PRKCH: variants seen among roughly 807,000 people sequenced by gnomAD.
PRKCH encodes protein kinase C eta.
A neutral mutation model predicts 82.5 loss-of-function variants in PRKCH; 28 were observed. The ratio of observed to expected loss-of-function variants is 0.34; its 90% CI spans 0.25 to 0.47. PRKCH has a LOEUF of 0.47. PRKCH is among the 20% of genes least tolerant of loss of function. PRKCH has a pLI of 1.00. For missense variants in PRKCH, 705 were observed against 881.8 expected (o/e 0.80, Z 2.54); for synonymous variants, 322 against 327.4 (o/e 0.98, Z 0.18).
At chr14:61,229,798 A>AG (rs2044726581) in intron 1 of PRKCH, among the ~76,000 whole-genome samples, 1 of 152,090 alleles carries the variant, frequency 6.6e-6, no homozygotes, top group Admixed American at 6.5e-5. Context: ...TCCTTCTTCC[A>AG]GGGGGAGAAC....
intron 1 of PRKCH, among the ~76,000 whole-genome samples, chr14:61,242,085 T>C (rs537640349): frequency 3.3e-5 from 5 of 152,318 alleles, no homozygotes; most frequent in Non-Finnish European, 5.9e-5. Context: ...CAACAAAAGT[T>C]AAACAAATAG....
intron 1 of PRKCH, among the ~76,000 whole-genome samples, chr14:61,363,927 T>G (rs1311223398): frequency 1.3e-5 from 2 of 149,556 alleles, no homozygotes; most frequent in Admixed American, 1.3e-4. Context: ...TACATATATA[T>G]GTAAAAATAT....
intron 1 of PRKCH, among the ~76,000 whole-genome samples, chr14:61,351,501 T>G (rs2046073300): frequency 6.6e-6 from 1 of 152,210 alleles, no homozygotes; most frequent in South Asian, 2.1e-4. Flanking sequence ...TTCTGAATTT[T>G]AAGATTTGGA....
chr14:61,190,755 G>A (rs2044401634), intron 1 of PRKCH, among the ~76,000 whole-genome samples: 2 of 151,990 alleles, frequency 1.3e-5, no homozygotes, highest in African/African-American at 4.8e-5. Context: ...CACTGTTCCT[G>A]GCCTGAAACT....
chr14:61,266,716 A>C (rs1212553318), intron 1 of PRKCH, among the ~76,000 whole-genome samples: 1 of 152,224 alleles, frequency 6.6e-6, no homozygotes, highest in Non-Finnish European at 1.5e-5. Flanking sequence ...AAATGGCTTT[A>C]TATGCCTGGT....
rs554407715 is a variant in PRKCH at position 61,228,080 on chromosome 14, ATT to A, written c.-19+40415_-19+40416del. On this transcript the variant is annotated intron_variant, in intron 1 of 3. Transcript: ENST00000555185. ...GTCCCAAAGGAAGGAGGACTCTTGC[ATT>A]TTCTGAGTCATGGGTCAAATGTTGT... Among the ~76,000 whole-genome samples the A allele has an allele frequency of 3.6e-3, 551 of 152,212 alleles. 5 individuals carry two copies. The highest frequency in any genetic ancestry group is 0.013 in the African/African-American group (529 of 41,510).
At chr14:61,278,083 T>C (rs1274207252) in intron 1 of PRKCH, 4 of 152,220 alleles carry the variant, frequency 2.6e-5, no homozygotes, top group Non-Finnish European at 5.9e-5. Context: ...TTAACTTTCA[T>C]AGTCTCATTT....
intron 2 of PRKCH, among the ~76,000 whole-genome samples, chr14:61,406,323 G>GTTAGGGGTCAGGTTACAGTTTTTGCA (rs1881950051): frequency 6.6e-6 from 1 of 152,172 alleles, no homozygotes; most frequent in Non-Finnish European, 1.5e-5. Flanking sequence ...CAGTTTTTGC[G>GTTAGGGGTCAGGTTACAGTTTTTGCA]TTGTTAGGGG....
At chr14:61,427,501 A>G (rs1883169627) in intron 2 of PRKCH, among the ~76,000 whole-genome samples, 1 of 152,210 alleles carries the variant, frequency 6.6e-6, no homozygotes, top group Non-Finnish European at 1.5e-5. Flanking sequence ...ATTTTCCTCC[A>G]CAAAAAGATG....
chr14:61,296,333 G>A (rs144669935), intron 1 of PRKCH, among the ~76,000 whole-genome samples: 6 of 152,060 alleles, frequency 3.9e-5, no homozygotes, highest in Non-Finnish European at 8.8e-5. Flanking sequence ...GCAGCTCCTC[G>A]GGGGATCGGC....
intron 12 of PRKCH, chr14:61,545,008 C>T (rs1384004009): frequency 6.6e-6 from 1 of 152,282 alleles, no homozygotes; most frequent in African/African-American, 2.4e-5. Context: ...TGCTCACCAC[C>T]AGGCGCTACC....
chr14:61,525,717 G>C (rs1313363871), intron 10 of PRKCH: 2 of 152,230 alleles, frequency 1.3e-5, no homozygotes, highest in African/African-American at 2.4e-5. Context: ...GTTAGCACTT[G>C]TTTCTGTTGC....
chr14:61,245,522 C>T (rs1016282151), intron 1 of PRKCH, among the ~76,000 whole-genome samples: 1 of 152,176 alleles, frequency 6.6e-6, no homozygotes, highest in Non-Finnish European at 1.5e-5. Context: ...TAATGGAAAC[C>T]AATGAGAGAC....
At chr14:61,543,364 A>C (rs2043211907) in intron 12 of PRKCH, 1 of 152,278 alleles carries the variant, frequency 6.6e-6, no homozygotes, top group South Asian at 2.1e-4. Context: ...GTTCCACTGT[A>C]ATGAGGGCCA....
At chr14:61,546,795 G>A (rs1326101832) in intron 12 of PRKCH, among the ~76,000 whole-genome samples, 3 of 152,136 alleles carry the variant, frequency 2.0e-5, no homozygotes. Context: ...TTTATCCAAG[G>A]CAATTTTCTT....
In PRKCH at chr14:61,339,433, C is replaced by T. The variant is rs1350496872; in HGVS notation, c.363+16969C>T. Among the ~76,000 whole-genome samples, 3 of 150,000 alleles carry T rather than the reference C, an allele frequency of 2.0e-5. No homozygotes were observed. The South Asian group carries it at 6.4e-4, about 32-fold the overall frequency. On this transcript the variant is annotated intron_variant, in intron 1 of 13. Coordinates refer to ENST00000332981, the MANE Select transcript of PRKCH (RefSeq NM_006255.5). ...TTGCCTCCCGGGTTCACGCCATTCT[C>T]CTGCCTCAGCCTCCCGAGTAGCTGG...
intron 1 of PRKCH, among the ~76,000 whole-genome samples, chr14:61,242,043 A>G (rs2044843974): frequency 6.6e-6 from 1 of 152,362 alleles, no homozygotes; most frequent in East Asian, 1.9e-4. Flanking sequence ...ATCCCATATA[A>G]TATGAATTAG....
chr14:61,504,658 G>A (rs991228636), intron 10 of PRKCH, among the ~76,000 whole-genome samples: 1 of 152,134 alleles, frequency 6.6e-6, no homozygotes, highest in African/African-American at 2.4e-5. Context: ...TTCCTTTGAT[G>A]GAGTATTCTC....
chr14:61,510,441 T>C (rs1481999813), intron 10 of PRKCH, among the ~76,000 whole-genome samples: 1 of 151,338 alleles, frequency 6.6e-6, no homozygotes, highest in Non-Finnish European at 1.5e-5. Flanking sequence ...GGGGGAGCGA[T>C]TCACATCGAA....
Sources: allele counts gnomAD v4.1 joint callset (sites outside exome capture counted in the v4.1 genomes callset), GRCh38; gene constraint gnomAD v4.1.1; transcripts MANE v1.5; gene names NCBI Gene and HGNC (gene_info 2026-07-23, HGNC 2026-07-21).